CEP112: variants seen among roughly 807,000 people sequenced by gnomAD.
CEP112 encodes the protein centrosomal protein of 112 kDa.
CEP112 carries 127 observed loss-of-function variants against 153.0 expected under a neutral mutation model. The ratio of observed to expected loss-of-function variants is 0.83; its 90% CI spans 0.72 to 0.96. The LOEUF is 0.96. Among genes scored for constraint, CEP112 ranks in the 40% least tolerant of loss-of-function variants. The pLI, the probability that CEP112 is intolerant of heterozygous loss-of-function variation, is 0.00. For missense variants in CEP112, 1,089 were observed against 1,101.2 expected (o/e 0.99, Z 0.16); for synonymous variants, 358 against 374.4 (o/e 0.96, Z 0.51).
At chr17:65,951,749 C>CCCCCCCCG (rs71160510) in intron 18 of CEP112, among the ~76,000 whole-genome samples, 5,889 of 105,510 alleles carry the variant, frequency 0.056, 839 homozygotes, top group Admixed American at 0.08. Flanking sequence ...CCCCGCCCCC[C>CCCCCCCCG]CCTTTCTTCC....
At chr17:65,754,558 A>C (rs547562413) in intron 21 of CEP112, among the ~76,000 whole-genome samples, 1 of 152,202 alleles carries the variant, frequency 6.6e-6, no homozygotes, top group Non-Finnish European at 1.5e-5. Flanking sequence ...CAGTGAGCTG[A>C]GATCGTGCCA....
At chr17:66,036,699 A>G (rs2065754762) in intron 12 of CEP112, among the ~76,000 whole-genome samples, 1 of 152,210 alleles carries the variant, frequency 6.6e-6, no homozygotes, top group African/African-American at 2.4e-5. Flanking sequence ...AAGCAGCAAA[A>G]AAGAATTTGA....
At position 65,978,407 on chromosome 17, in the gene CEP112, C is replaced by T. The variant is rs146048668; in HGVS notation, c.1737-16809G>A. 2.3e-3 allele frequency among the ~76,000 whole-genome samples: 346 copies of T among 152,326 alleles called. 3 individuals carry two copies. Among genetic ancestry groups the T allele is most frequent in the African/African-American group, 8.0e-3 (334 of 41,570 alleles). ...AGGAAAAGAGCAATGAAGTAGGACTCGGTGTGCCCCGGAGCAAGGCCCAGC... is the reference window on the plus strand; with the variant it reads ...AGGAAAAGAGCAATGAAGTAGGACTTGGTGTGCCCCGGAGCAAGGCCCAGC... On this transcript the variant is annotated intron_variant, in intron 17 of 26. Coordinates refer to ENST00000535342, the MANE Select transcript of CEP112 (RefSeq NM_001199165.4).
intron 18 of CEP112, among the ~76,000 whole-genome samples, chr17:65,938,126 C>A (rs1199565369): frequency 8.0e-6 from 1 of 124,532 alleles, no homozygotes; most frequent in East Asian, 3.6e-4. Context: ...ACCCCCAACC[C>A]TGTGCTCTCT....
At chr17:65,640,894 G>C in intron 25 of CEP112, 70 bp downstream of exon 25, 1 of 852,542 alleles carries the variant, frequency 1.2e-6, no homozygotes, top group Non-Finnish European at 2.0e-6. Context: ...TTTGGAATCA[G>C]ATTTATTTGC....
At chr17:65,769,050 C>G (rs2053179011) in intron 21 of CEP112, among the ~76,000 whole-genome samples, 1 of 151,792 alleles carries the variant, frequency 6.6e-6, no homozygotes, top group Non-Finnish European at 1.5e-5. Context: ...AGATTGCACA[C>G]AAAAACCTAT....
chr17:66,031,006 G>A (rs1417898615), intron 12 of CEP112, among the ~76,000 whole-genome samples: 1 of 152,100 alleles, frequency 6.6e-6, no homozygotes, highest in Non-Finnish European at 1.5e-5. Context: ...TGGTGTAACA[G>A]CTTCCAATCT....
chr17:66,124,118 C>T (rs1337808063), intron 6 of CEP112, among the ~76,000 whole-genome samples: 1 of 152,152 alleles, frequency 6.6e-6, no homozygotes, highest in Non-Finnish European at 1.5e-5. Context: ...CAATAGTTTA[C>T]ATGACAGTTC....
Position 65,720,416 on chromosome 17 carries a change from C to T in CEP112, c.2607+22652G>A, listed in dbSNP as rs149783604. Among the ~76,000 whole-genome samples, 429 of 152,226 alleles carry T rather than the reference C, an allele frequency of 2.8e-3. 1 individual carries two copies. Among genetic ancestry groups the T allele is most frequent in the Non-Finnish European group, 3.6e-3 (244 of 68,028 alleles). On this transcript the variant is annotated intron_variant, in intron 23 of 26. Transcript: ENST00000535342. ...AGCCAGGAACAGTTTCCCTGTGGAG[C>T]AACAGGGTTTCAAGGCAAGAGACAA...
At chr17:65,856,404 T>C (rs1054724445) in intron 20 of CEP112, among the ~76,000 whole-genome samples, 2 of 152,334 alleles carry the variant, frequency 1.3e-5, no homozygotes, top group Non-Finnish European at 1.5e-5. Context: ...CTCAAGCTGA[T>C]TTGAAAGTCT....
At chr17:66,006,713 A>G (rs1180369523) in intron 16 of CEP112, among the ~76,000 whole-genome samples, 1 of 152,216 alleles carries the variant, frequency 6.6e-6, no homozygotes. Flanking sequence ...AAACTTTGGT[A>G]CAGCTGGATG....
intron 20 of CEP112, among the ~76,000 whole-genome samples, chr17:65,890,595 G>A (rs1170498625): frequency 8.5e-5 from 13 of 152,066 alleles, no homozygotes; most frequent in Admixed American, 1.3e-4. Context: ...AGAGTAGGCC[G>A]CAGAATATAA....
rs574397453 is a variant in CEP112, at chr17:65,981,098, G to A, written c.1737-19500C>T. Reference sequence around the variant, plus strand: ...CCCAAAGTGCTGGGATTACAGGCGTGAGCCACCACGCCCGGCCATCTTCTT... The same window carrying A: ...CCCAAAGTGCTGGGATTACAGGCGTAAGCCACCACGCCCGGCCATCTTCTT... On this transcript the variant is annotated intron_variant, in intron 17 of 26. Transcript: ENST00000535342. 3.5e-4 allele frequency among the ~76,000 whole-genome samples: 54 copies of A among 152,212 alleles called. 1 individual carries two copies. The South Asian group carries it at 0.011, about 30-fold the overall frequency.
intron 16 of CEP112, among the ~76,000 whole-genome samples, chr17:66,009,099 A>T (rs2064397702): frequency 6.6e-6 from 1 of 152,072 alleles, no homozygotes; most frequent in Non-Finnish European, 1.5e-5. Flanking sequence ...TTTTTGAGAT[A>T]CTTCCATACT....
chr17:66,013,649 G>A (rs975962549), intron 16 of CEP112, among the ~76,000 whole-genome samples: 2 of 152,100 alleles, frequency 1.3e-5, no homozygotes. Flanking sequence ...ACACTCCAAC[G>A]AGTGGTGCCA....
intron 19 of CEP112, among the ~76,000 whole-genome samples, chr17:65,914,883 A>G (rs781004951): frequency 6.6e-6 from 1 of 152,126 alleles, no homozygotes; most frequent in Non-Finnish European, 1.5e-5. Flanking sequence ...CCACCCACAT[A>G]ATTCAGACAT....
In CEP112 at chr17:65,640,953, C is replaced by G; in HGVS notation, c.2799+11G>C. 1 of 1,462,044 alleles carries G rather than the reference C, an allele frequency of 6.8e-7. No individual in the cohort carries two copies. Among genetic ancestry groups the G allele is most frequent in the South Asian group, 1.1e-5 (1 of 87,334 alleles). The allele number at this position is 1,462,044 out of a possible 1,614,324, so 90.6% of individuals were successfully genotyped here. A position where few individuals can be genotyped will look rare whatever the true frequency, so the allele number is the denominator to read the frequency against. On this transcript the variant is annotated intron_variant, in intron 25 of 26. Coordinates refer to ENST00000535342, the MANE Select transcript of CEP112 (RefSeq NM_001199165.4). ...TAAATCCTTGGAAAATGCCTTGATT[C>G]TAGTAATTACCTGTGATTTTAGGGA...
intron 6 of CEP112, among the ~76,000 whole-genome samples, chr17:66,106,909 A>T (rs533891356): frequency 6.6e-6 from 1 of 152,234 alleles, no homozygotes; most frequent in East Asian, 1.9e-4. Context: ...ATACTAGTAT[A>T]CTGAATTCAA....
chr17:65,652,896 C>T (rs2045860657), intron 24 of CEP112, among the ~76,000 whole-genome samples: 1 of 152,162 alleles, frequency 6.6e-6, no homozygotes, highest in African/African-American at 2.4e-5. Flanking sequence ...GTTCTGGAGG[C>T]TGAAAGTCCA....
Sources: allele counts gnomAD v4.1 joint callset (sites outside exome capture counted in the v4.1 genomes callset), GRCh38; gene constraint gnomAD v4.1.1; transcripts MANE v1.5; gene names NCBI Gene and HGNC (gene_info 2026-07-23, HGNC 2026-07-21).